The following GLI3 variants were observed in gnomAD, a reference collection of about 807,000 sequenced individuals.
GLI3 encodes transcription activator GLI3.
GLI3 carries 20 observed loss-of-function variants against 100.8 expected under a neutral mutation model. That is an observed-to-expected ratio of 0.20 (90% CI 0.14 to 0.29). The LOEUF (loss-of-function observed/expected upper bound fraction) is 0.29, where lower values mean the gene tolerates loss of function less well. Among genes scored for constraint, GLI3 ranks in the 10% least tolerant of loss-of-function variants. The pLI is 1.00. For synonymous variants in GLI3, 938 were observed against 860.5 expected, an observed-to-expected ratio of 1.09 and a Z score of -1.58; for missense variants, 2,040 against 2,128.5, an observed-to-expected ratio of 0.96 and a Z score of 0.82.
intron 3 of GLI3, among the ~76,000 whole-genome samples, chr7:42,102,852 T>C (rs1434756102): frequency 6.6e-6 from 1 of 152,176 alleles, no homozygotes; most frequent in South Asian, 2.1e-4. Flanking sequence ...GGGAGTGCCA[T>C]CTCAGTTCGC....
chr7:42,135,712 T>A (rs1328495307), intron 3 of GLI3, among the ~76,000 whole-genome samples: 3 of 152,236 alleles, frequency 2.0e-5, no homozygotes, highest in African/African-American at 7.2e-5. Context: ...TCAGTCCTTT[T>A]GATCTTTTCT....
chr7:42,182,681 T>TATATATATATATATATATATATATATAC (rs1338758976), intron 2 of GLI3, among the ~76,000 whole-genome samples: 1 of 56,770 alleles, frequency 1.8e-5, no homozygotes, highest in African/African-American at 9.0e-5. Context: ...TATATATATA[T>TATATATATATATATATATATATATATAC]ACACATGTGT....
At chr7:42,007,910 T>A (rs529840954) in intron 10 of GLI3, among the ~76,000 whole-genome samples, 18 of 151,930 alleles carry the variant, frequency 1.2e-4, no homozygotes, top group Middle Eastern at 3.4e-3. Flanking sequence ...AATAAAAAAA[T>A]TAAAATAAAG....
At chr7:42,223,772 T>C (rs904918615) in intron 1 of GLI3, among the ~76,000 whole-genome samples, 1 of 152,220 alleles carries the variant, frequency 6.6e-6, no homozygotes, top group African/African-American at 2.4e-5. Flanking sequence ...GAAGGCCTAC[T>C]CCAAATTCTG....
rs3779177 is a variant in GLI3, at chr7:42,185,945, C to T, written c.124+37185G>A. Among the ~76,000 whole-genome samples, 744 of 152,332 alleles carry T rather than the reference C, an allele frequency of 4.9e-3. 13 individuals carry two copies. The East Asian group carries it at 0.071, about 14-fold the overall frequency. On this transcript the variant is annotated intron_variant, in intron 2 of 14. Coordinates refer to ENST00000395925, the MANE Select transcript of GLI3 (RefSeq NM_000168.6). Reference sequence around the variant, plus strand: ...AGCCATTTCAGCAACTCTTGGCACACACTGGGCCTATTTGGACCAGCAGCT... The same window carrying T: ...AGCCATTTCAGCAACTCTTGGCACATACTGGGCCTATTTGGACCAGCAGCT...
upstream of GLI3, among the ~76,000 whole-genome samples, chr7:42,240,782 T>C (rs1788916625): frequency 6.6e-6 from 1 of 152,148 alleles, no homozygotes; most frequent in South Asian, 2.1e-4. Flanking sequence ...GGGACATAAT[T>C]CAACTCCTAA....
At chr7:42,159,048 A>G (rs75191336) in intron 2 of GLI3, among the ~76,000 whole-genome samples, 1 of 152,284 alleles carries the variant, frequency 6.6e-6, no homozygotes, top group South Asian at 2.1e-4. Flanking sequence ...TGGCTAAATT[A>G]TCTTCTTGTC....
chr7:42,193,457 GA>G (rs909221013), intron 2 of GLI3, among the ~76,000 whole-genome samples: 118 of 145,396 alleles, frequency 8.1e-4, no homozygotes, highest in Middle Eastern at 7.2e-3. Flanking sequence ...AGAGTTCCAA[GA>G]AAAAAAAAAA....
At chr7:41,968,756 GAAAGAAGGAAAGAAA>G (rs1787285712) in intron 13 of GLI3, among the ~76,000 whole-genome samples, 2 of 96,870 alleles carry the variant, frequency 2.1e-5, no homozygotes, top group African/African-American at 7.8e-5. Context: ...AAGAAAGAAA[GAAAGAAGGAAAGAAA>G]GAAAGAAAGA....
intron 1 of GLI3, among the ~76,000 whole-genome samples, chr7:42,226,714 C>T (rs2128703920): frequency 6.6e-6 from 1 of 152,372 alleles, no homozygotes; most frequent in East Asian, 1.9e-4. Flanking sequence ...AATCAGACAT[C>T]TGCTTCCTGT....
intron 1 of GLI3, among the ~76,000 whole-genome samples, chr7:42,253,106 C>G (rs752926974): frequency 1.9e-4 from 29 of 152,192 alleles, no homozygotes; most frequent in Admixed American, 6.5e-4. Flanking sequence ...AGGGCAGACG[C>G]CTTGTAGCTA....
intron 7 of GLI3, among the ~76,000 whole-genome samples, chr7:42,030,501 C>T (rs548948770): frequency 6.6e-6 from 1 of 152,100 alleles, no homozygotes; most frequent in Non-Finnish European, 1.5e-5. Flanking sequence ...ATTACACAAA[C>T]GAAGCTAGTG....
In GLI3 at chr7:41,962,765, T is replaced by C. The variant is rs899032443; in HGVS notation, c.*1565A>G. On this transcript the variant is annotated 3_prime_UTR_variant, in exon 15 of 15. Transcript: ENST00000395925. The stretch of plus-strand genomic sequence containing the variant: ...TTCTACTGTAATTTAAATGGCAAGA[T>C]TAAAGGGGAAAAGCCACATAATTGA... 7 of 152,160 alleles carry C rather than the reference T, an allele frequency of 4.6e-5. No individual in the cohort carries two copies. The highest frequency in any genetic ancestry group is 1.4e-4 in the African/African-American group (6 of 41,424). 9.4% of individuals were successfully genotyped at this position (152,160 alleles called of 1,614,324 possible).
At chr7:41,993,685 G>C (rs1299408709) in intron 10 of GLI3, among the ~76,000 whole-genome samples, 4 of 152,208 alleles carry the variant, frequency 2.6e-5, no homozygotes, top group Non-Finnish European at 5.9e-5. Context: ...GGAGGAATGT[G>C]TTATTAGAAA....
intron 7 of GLI3, among the ~76,000 whole-genome samples, chr7:42,037,944 C>A (rs945043559): frequency 6.6e-6 from 1 of 152,138 alleles, no homozygotes; most frequent in Non-Finnish European, 1.5e-5. Flanking sequence ...ATACCATATT[C>A]TAATCTATGT....
At chr7:42,234,192 T>A (rs998577429) in intron 1 of GLI3, among the ~76,000 whole-genome samples, 1 of 151,878 alleles carries the variant, frequency 6.6e-6, no homozygotes, top group Non-Finnish European at 1.5e-5. Context: ...TGGTTTTTCT[T>A]AGTACATTAC....
At chr7:42,047,331 C>T (rs761819703) in intron 5 of GLI3, among the ~76,000 whole-genome samples, 5 of 152,228 alleles carry the variant, frequency 3.3e-5, no homozygotes, top group Non-Finnish European at 5.9e-5. Flanking sequence ...TGAGACACTT[C>T]ATGCAGCTTC....
At chr7:42,005,308 G>T (rs1191244306) in intron 10 of GLI3, among the ~76,000 whole-genome samples, 1 of 152,076 alleles carries the variant, frequency 6.6e-6, no homozygotes, top group African/African-American at 2.4e-5. Flanking sequence ...TTTGGTGAGC[G>T]TGGTCTCTTT....
At chr7:42,028,718 C>T (rs948684198) in intron 7 of GLI3, among the ~76,000 whole-genome samples, 2 of 151,610 alleles carry the variant, frequency 1.3e-5, no homozygotes, top group African/African-American at 2.4e-5. Context: ...GAGCCAAGAT[C>T]GCGCCACTGC....
Sources: allele counts gnomAD v4.1 joint callset (sites outside exome capture counted in the v4.1 genomes callset), GRCh38; gene constraint gnomAD v4.1.1; transcripts MANE v1.5; gene names NCBI Gene and HGNC (gene_info 2026-07-23, HGNC 2026-07-21).